The following CTIF variants were observed in gnomAD, a reference collection of about 807,000 sequenced individuals.
The protein encoded by CTIF is CBP80/20-dependent translation initiation factor.
CTIF carries 21 observed loss-of-function variants against 66.0 expected under a neutral mutation model. The observed-to-expected ratio is 0.32, with a 90% CI of 0.23 to 0.46. The LOEUF (loss-of-function observed/expected upper bound fraction) is 0.46, where lower values mean the gene tolerates loss of function less well. Ranked by LOEUF, CTIF falls within the 20% of genes least tolerant of loss-of-function variation. The pLI, the probability that CTIF is intolerant of heterozygous loss-of-function variation, is 1.00. For missense variants in CTIF, 739 were observed against 812.7 expected, an observed-to-expected ratio of 0.91 and a Z score of 1.10; for synonymous variants, 345 against 326.4, an observed-to-expected ratio of 1.06 and a Z score of -0.62.
At chr18:48,575,585 C>T (rs969916387) in intron 1 of CTIF, among the ~76,000 whole-genome samples, 6 of 152,226 alleles carry the variant, frequency 3.9e-5, no homozygotes, top group African/African-American at 1.4e-4. Flanking sequence ...CCAGCACAGG[C>T]TTTATTTATC....
At chr18:48,710,471 C>T (rs2092211867) in intron 6 of CTIF, among the ~76,000 whole-genome samples, 1 of 152,210 alleles carries the variant, frequency 6.6e-6, no homozygotes, top group African/African-American at 2.4e-5. Flanking sequence ...CCCCCTACTC[C>T]ACCCCAGGCC....
intron 7 of CTIF, among the ~76,000 whole-genome samples, chr18:48,751,879 CAG>C (rs928834860): frequency 2.8e-4 from 42 of 152,344 alleles, no homozygotes; most frequent in Admixed American, 2.7e-3. Context: ...CTGGGCAGAA[CAG>C]AGTCTCAGCA....
chr18:48,713,356 G>T (rs1371963838), intron 7 of CTIF, among the ~76,000 whole-genome samples: 9 of 152,274 alleles, frequency 5.9e-5, no homozygotes. Flanking sequence ...GCAATGGCAG[G>T]CTGCCACCCA....
At chr18:48,695,465 G>A (rs2091992954) in intron 6 of CTIF, among the ~76,000 whole-genome samples, 1 of 152,202 alleles carries the variant, frequency 6.6e-6, no homozygotes. Context: ...GCTCTTATGA[G>A]CATTCCGCTA....
intron 1 of CTIF, among the ~76,000 whole-genome samples, chr18:48,572,282 A>G (rs2089434434): frequency 6.6e-6 from 1 of 152,190 alleles, no homozygotes; most frequent in African/African-American, 2.4e-5. Flanking sequence ...CATCTGAAAA[A>G]TACCTTCAAA....
At chr18:48,563,811 T>A (rs938440435) in intron 1 of CTIF, among the ~76,000 whole-genome samples, 1 of 152,200 alleles carries the variant, frequency 6.6e-6, no homozygotes, top group Non-Finnish European at 1.5e-5. Context: ...TCTCCTTGGT[T>A]GGCCTGTGCC....
chr18:48,692,433 C>T (rs933797142), intron 6 of CTIF: 1 of 152,218 alleles, frequency 6.6e-6, no homozygotes, highest in Non-Finnish European at 1.5e-5. Context: ...ACCTCTCTGC[C>T]TCTAATTCTC....
chr18:48,730,349 TCC>T (rs2092433151), intron 7 of CTIF, among the ~76,000 whole-genome samples: 1 of 82,464 alleles, frequency 1.2e-5, no homozygotes, highest in African/African-American at 4.0e-5. Context: ...TGTGAGGGGC[TCC>T]TGCTGTGTGA....
intron 6 of CTIF, among the ~76,000 whole-genome samples, chr18:48,674,161 A>G (rs1000212868): frequency 1.3e-5 from 2 of 152,262 alleles, no homozygotes; most frequent in African/African-American, 2.4e-5. Flanking sequence ...GAGAGAATTG[A>G]TCACATAAGA....
At chr18:48,574,183 G>A (rs963756778) in intron 1 of CTIF, among the ~76,000 whole-genome samples, 3 of 152,192 alleles carry the variant, frequency 2.0e-5, no homozygotes, top group Non-Finnish European at 4.4e-5. Flanking sequence ...TGTTCCTGCC[G>A]CTCTTCAGTT....
At chr18:48,663,075 G>T (rs575699083) in intron 3 of CTIF, among the ~76,000 whole-genome samples, 1 of 152,206 alleles carries the variant, frequency 6.6e-6, no homozygotes, top group South Asian at 2.1e-4. Flanking sequence ...GGTGGATGTG[G>T]AAGTATTGTT....
intron 2 of CTIF, chr18:48,621,327 T>G: frequency 6.2e-6 from 1 of 162,544 alleles, no homozygotes; most frequent in Non-Finnish European, 1.3e-5. Context: ...GATAGGAACA[T>G]CTGGGCAGAA....
chr18:48,607,097 A>G (rs532727137), intron 1 of CTIF, among the ~76,000 whole-genome samples: 1 of 152,202 alleles, frequency 6.6e-6, no homozygotes, highest in South Asian at 2.1e-4. Flanking sequence ...CTGCTTTAGG[A>G]AAGGTCAAAG....
At chr18:48,773,182 A>G (rs1910339764) in intron 9 of CTIF, among the ~76,000 whole-genome samples, 1 of 152,242 alleles carries the variant, frequency 6.6e-6, no homozygotes, top group Non-Finnish European at 1.5e-5. Context: ...TCTATAGATC[A>G]TCCAGTCCAA....
chr18:48,827,402 G>A (rs1343425522), intron 10 of CTIF, among the ~76,000 whole-genome samples: 5 of 152,160 alleles, frequency 3.3e-5, no homozygotes, highest in Non-Finnish European at 1.5e-5. Flanking sequence ...ATAAAGCGTG[G>A]GCAGGAGAGG....
chr18:48,713,415 C>T (rs901793448), intron 7 of CTIF, among the ~76,000 whole-genome samples: 5 of 152,160 alleles, frequency 3.3e-5, no homozygotes, highest in African/African-American at 1.2e-4. Context: ...TCACCTCACT[C>T]AGCAGGAAGA....
chr18:48,596,825 G>A (rs2089995967), intron 1 of CTIF, among the ~76,000 whole-genome samples: 1 of 152,098 alleles, frequency 6.6e-6, no homozygotes, highest in Non-Finnish European at 1.5e-5. Context: ...CACCTCATTG[G>A]TCACTCCTAT....
chr18:48,651,274 T>C (rs905551575), intron 3 of CTIF, among the ~76,000 whole-genome samples: 3 of 152,042 alleles, frequency 2.0e-5, no homozygotes, highest in Non-Finnish European at 4.4e-5. Flanking sequence ...GACACACATA[T>C]GCTCAAAATA....
chr18:48,633,858 G>A (rs999647368), intron 2 of CTIF, among the ~76,000 whole-genome samples: 2 of 152,130 alleles, frequency 1.3e-5, no homozygotes, highest in African/African-American at 4.8e-5. Context: ...ATGGAACAGG[G>A]TGTTCCCAAA....
Sources: allele counts gnomAD v4.1 joint callset (sites outside exome capture counted in the v4.1 genomes callset), GRCh38; gene constraint gnomAD v4.1.1; transcripts MANE v1.5; gene names NCBI Gene and HGNC (gene_info 2026-07-23, HGNC 2026-07-21).